Variants in PCDHA8 observed in about 807,000 individuals in gnomAD.
PCDHA8 encodes the protein protocadherin alpha-8.
Under a neutral mutation model 61.8 loss-of-function variants are expected in PCDHA8, and 53 were observed. That is an observed-to-expected ratio of 0.86 (90% CI 0.69 to 1.08). The LOEUF (loss-of-function observed/expected upper bound fraction) is 1.08, where lower values mean the gene tolerates loss of function less well. Ranked by LOEUF, PCDHA8 falls within the 50% of genes least tolerant of loss-of-function variation. The pLI is 0.00. For synonymous variants in PCDHA8, 618 were observed against 556.6 expected, an observed-to-expected ratio of 1.11 and a Z score of -1.55; for missense variants, 1,293 against 1,245.0, an observed-to-expected ratio of 1.04 and a Z score of -0.58.
chr5:140,963,196 GA>G (rs199602110), intron 1 of PCDHA8, among the ~76,000 whole-genome samples: 26 of 147,674 alleles, frequency 1.8e-4, no homozygotes, highest in South Asian at 4.3e-4. Context: ...CTGTGAAAAT[GA>G]AAAAAAAAAC....
In PCDHA8 at chr5:140,891,714, A is replaced by T. The variant is rs147881763; in HGVS notation, c.2394+47999A>T. On this transcript the variant is annotated intron_variant, in intron 1 of 3. Transcript: ENST00000531613. ...GCTGTTGTCTGAATTTGTACCCCCA[A>T]ATTCATGTGTTGAAAATTCAATCCC... Among the ~76,000 whole-genome samples the T allele has an allele frequency of 2.6e-5, 4 of 152,262 alleles. No individual in the cohort carries two copies. In the East Asian group the frequency reaches 5.8e-4, roughly 22 times the overall value.
intron 1 of PCDHA8, chr5:140,877,051 G>C (rs1554169275): frequency 1.2e-6 from 2 of 1,612,752 alleles, no homozygotes; most frequent in Non-Finnish European, 1.7e-6. Context: ...AGACCACGAG[G>C]AGCTGGAGCT....
At chr5:140,957,473 GA>G (rs1446179332) in intron 1 of PCDHA8, among the ~76,000 whole-genome samples, 1 of 151,954 alleles carries the variant, frequency 6.6e-6, no homozygotes, top group Non-Finnish European at 1.5e-5. Context: ...GTATGTATAG[GA>G]AAAAACATAG....
chr5:140,842,094 G>C lies in PCDHA8; in HGVS notation c.773G>C (p.Gly258Ala), dbSNP rs2150329211. The change falls in exon 1 of 4, where the codon GGA (glycine) becomes GCA (alanine). Residue 258 changes from glycine to alanine, a missense_variant. By Grantham distance (60) the Gly-to-Ala change is moderately conservative (BLOSUM62 0). Coordinates refer to ENST00000531613, the MANE Select transcript of PCDHA8 (RefSeq NM_018911.3). ...EVRIFENADN[G>A]TTVIKLNASD... ...AGAATATTCGAAAACGCAGACAACG[G>C]AACAACAGTTATCAAACTGAATGCT... is the stretch of plus-strand genomic sequence containing the variant. The C allele has an allele frequency of 6.2e-7, 1 of 1,613,884 alleles. No individual in the cohort carries two copies. Among genetic ancestry groups the C allele is most frequent in the South Asian group, 1.1e-5 (1 of 91,072 alleles).
chr5:140,883,096 T>G (rs2059436763), intron 1 of PCDHA8: 1 of 1,614,006 alleles, frequency 6.2e-7, no homozygotes, highest in Non-Finnish European at 8.5e-7. Flanking sequence ...CAAATGGAGA[T>G]ATAGTTTACT....
At chr5:140,944,543 G>C (rs2093667961) in intron 1 of PCDHA8, among the ~76,000 whole-genome samples, 1 of 152,142 alleles carries the variant, frequency 6.6e-6, no homozygotes, top group South Asian at 2.1e-4. Context: ...AGTATTTAAA[G>C]ATCATAGTTT....
rs782636217 is a variant in PCDHA8 at position 140,928,409 on chromosome 5, C to T, written c.2395-50540C>T. The T allele has an allele frequency of 1.9e-6, 3 of 1,614,030 alleles. No individual in the cohort carries two copies. The Admixed American group carries it at 5.0e-5, about 27-fold the overall frequency. On this transcript the variant is annotated intron_variant, in intron 1 of 3. Coordinates refer to ENST00000531613, the MANE Select transcript of PCDHA8 (RefSeq NM_018911.3). ...CTGGCAGTGGAATCATCCAGTGGGG[C>T]CATCACTGCCAAAACTTCCTTTGAC...
chr5:140,915,410 A>G (rs2077112688), intron 1 of PCDHA8, among the ~76,000 whole-genome samples: 1 of 152,172 alleles, frequency 6.6e-6, no homozygotes, highest in Non-Finnish European at 1.5e-5. Flanking sequence ...TAGTCTTTGC[A>G]GTCTGGGCTT....
intron 1 of PCDHA8, among the ~76,000 whole-genome samples, chr5:140,958,932 C>T (rs2095452700): frequency 8.5e-6 from 1 of 118,160 alleles, no homozygotes; most frequent in South Asian, 2.5e-4. Flanking sequence ...GTGGCTCATA[C>T]TTGTAATAAT....
intron 1 of PCDHA8, among the ~76,000 whole-genome samples, chr5:140,899,359 T>C (rs1247414230): frequency 6.6e-6 from 1 of 152,116 alleles, no homozygotes; most frequent in Non-Finnish European, 1.5e-5. Context: ...TTTTGAGATA[T>C]GTCCCATCAA....
chr5:140,942,926 GAA>G (rs1554215307), intron 1 of PCDHA8, among the ~76,000 whole-genome samples: 2 of 151,984 alleles, frequency 1.3e-5, no homozygotes, highest in East Asian at 3.9e-4. Flanking sequence ...AAAAAAAATT[GAA>G]AAAGAGTTTA....
rs377081112 is a variant in PCDHA8 at position 140,871,063 on chromosome 5, G to C, written c.2394+27348G>C. On this transcript the variant is annotated intron_variant, in intron 1 of 3. Coordinates refer to ENST00000531613, the MANE Select transcript of PCDHA8 (RefSeq NM_018911.3). ...ACTTCTAGTACTGGTGAAGGATCAC[G>C]GTGAGCCGGCGCTGACGGCCACGGC... The C allele has an allele frequency of 2.7e-5, 43 of 1,613,154 alleles. 1 individual carries two copies. The South Asian group carries it at 4.5e-4, about 17-fold the overall frequency.
At chr5:141,002,600 A>G (rs1269340072) in intron 3 of PCDHA8, among the ~76,000 whole-genome samples, 1 of 152,204 alleles carries the variant, frequency 6.6e-6, no homozygotes, top group Non-Finnish European at 1.5e-5. Flanking sequence ...CCCCTCATCT[A>G]TAAAACAGAC....
intron 1 of PCDHA8, chr5:140,851,395 A>G: frequency 1.0e-6 from 1 of 973,138 alleles, no homozygotes; most frequent in Non-Finnish European, 1.2e-6. Context: ...AGTATCTATT[A>G]TTTTAATAAG....
chr5:141,006,290 C>G (rs1465211339), intron 3 of PCDHA8, among the ~76,000 whole-genome samples: 5 of 152,050 alleles, frequency 3.3e-5, no homozygotes, highest in Non-Finnish European at 5.9e-5. Flanking sequence ...CAGCTCACTG[C>G]AAGCTCCACT....
intron 2 of PCDHA8, among the ~76,000 whole-genome samples, chr5:140,981,925 T>C (rs2096957903): frequency 1.3e-5 from 2 of 152,160 alleles, no homozygotes; most frequent in South Asian, 2.1e-4. Flanking sequence ...CAAGTTTCTC[T>C]AGTCTCAGGA....
intron 1 of PCDHA8, chr5:140,928,635 A>T (rs148091714): frequency 1.6e-4 from 258 of 1,614,104 alleles, no homozygotes; most frequent in Non-Finnish European, 2.1e-4. Flanking sequence ...ACTTGGTCAC[A>T]AAAGTGGTAG....
intron 1 of PCDHA8, among the ~76,000 whole-genome samples, chr5:140,879,121 G>C (rs148259888): frequency 6.6e-6 from 1 of 152,330 alleles, no homozygotes; most frequent in Non-Finnish European, 1.5e-5. Context: ...TGAAGGATTA[G>C]AGCAGGGGAG....
chr5:140,856,705 T>C lies in PCDHA8; in HGVS notation c.2394+12990T>C, dbSNP rs1180012715. 2.5e-6 allele frequency: 4 copies of C among 1,596,614 alleles called. No homozygotes were observed. The African/African-American group carries it at 5.4e-5, about 22-fold the overall frequency. ...TGACAGCAACTGATGGAGGCAAACC[T>C]GAATTTACCGGATCTGTTTCTCTGC... On this transcript the variant is annotated intron_variant, in intron 1 of 3. Transcript: ENST00000531613.
Sources: gnomAD v4.1 joint callset for allele counts (sites outside exome capture counted in the v4.1 genomes callset) on GRCh38, gnomAD v4.1.1 for gene constraint, MANE v1.5 for transcripts, NCBI Gene and HGNC (gene_info 2026-07-23, HGNC 2026-07-21) for gene names.